The following RAB3GAP1 variants were observed in gnomAD, a reference collection of about 807,000 sequenced individuals.
RAB3GAP1 encodes rab3 GTPase-activating protein catalytic subunit.
Under a neutral mutation model 130.7 loss-of-function variants are expected in RAB3GAP1, and 86 were observed. The ratio of observed to expected loss-of-function variants is 0.66; its 90% confidence interval spans 0.55 to 0.79. The LOEUF is 0.79. RAB3GAP1 is among the 30% of genes least tolerant of loss of function. The pLI is 0.00. For missense variants in RAB3GAP1, 1,029 were observed against 1,169.4 expected (o/e 0.88, Z 1.75); for synonymous variants, 367 against 401.7 (o/e 0.91, Z 1.03).
At chr2:135,105,456 G>C (rs1479950855) in intron 5 of RAB3GAP1, among the ~76,000 whole-genome samples, 1 of 152,068 alleles carries the variant, frequency 6.6e-6, no homozygotes, top group Non-Finnish European at 1.5e-5. Context: ...CTGGTCTCCA[G>C]CTCCTAACCG....
intron 7 of RAB3GAP1, among the ~76,000 whole-genome samples, chr2:135,116,222 T>G (rs1368698472): frequency 6.6e-6 from 1 of 152,176 alleles, no homozygotes; most frequent in Non-Finnish European, 1.5e-5. Flanking sequence ...AGTGGCAGCT[T>G]TAGCACTTAA....
intron 3 of RAB3GAP1, among the ~76,000 whole-genome samples, chr2:135,082,182 A>T (rs1432599428): frequency 6.6e-6 from 1 of 151,848 alleles, no homozygotes; most frequent in Non-Finnish European, 1.5e-5. Flanking sequence ...TAAAGATTTT[A>T]ATTGAAATAA....
intron 8 of RAB3GAP1, among the ~76,000 whole-genome samples, chr2:135,123,789 A>G (rs1419213423): frequency 6.6e-6 from 1 of 152,216 alleles, no homozygotes; most frequent in African/African-American, 2.4e-5. Flanking sequence ...TGATTAATGT[A>G]GTTGGTGATT....
At chr2:135,080,694 C>G (rs946556477) in intron 3 of RAB3GAP1, among the ~76,000 whole-genome samples, 2 of 152,200 alleles carry the variant, frequency 1.3e-5, no homozygotes, top group Admixed American at 1.3e-4. Context: ...TGCTCAGGAT[C>G]TCTTCCTATG....
At chr2:135,137,940 C>T (rs1352827802) in intron 17 of RAB3GAP1, among the ~76,000 whole-genome samples, 3 of 151,786 alleles carry the variant, frequency 2.0e-5, no homozygotes, top group Non-Finnish European at 2.9e-5. Context: ...ATCCTCCCAC[C>T]GCAGCTTCTC....
intron 3 of RAB3GAP1, among the ~76,000 whole-genome samples, chr2:135,063,217 AGTC>A (rs1479213980): frequency 6.6e-6 from 1 of 152,026 alleles, no homozygotes; most frequent in Non-Finnish European, 1.5e-5. Context: ...GTAAATGAGT[AGTC>A]AAGTTAGTAA....
At chr2:135,100,120 T>C (rs1690410770) in intron 5 of RAB3GAP1, among the ~76,000 whole-genome samples, 1 of 152,138 alleles carries the variant, frequency 6.6e-6, no homozygotes, top group African/African-American at 2.4e-5. Flanking sequence ...GAGACCACTT[T>C]CCCTGGGCTG....
chr2:135,066,163 A>T (rs766571331), intron 3 of RAB3GAP1, among the ~76,000 whole-genome samples: 59 of 152,164 alleles, frequency 3.9e-4, no homozygotes, highest in Admixed American at 6.5e-4. Context: ...CTGTTGTCAG[A>T]TACACTTTCT....
intron 23 of RAB3GAP1, chr2:135,165,238 A>G (rs1283383042): frequency 6.8e-6 from 3 of 438,986 alleles, no homozygotes; most frequent in Non-Finnish European, 1.3e-5. Context: ...TTGAAAAATT[A>G]TCATAACCAT....
chr2:135,165,475 G>T (rs982703815), intron 23 of RAB3GAP1, among the ~76,000 whole-genome samples: 4 of 151,842 alleles, frequency 2.6e-5, no homozygotes, highest in African/African-American at 9.7e-5. Context: ...ATAAGAAAAA[G>T]AATTTCTATG....
chr2:135,098,774 G>A (rs1478867791), intron 5 of RAB3GAP1, among the ~76,000 whole-genome samples: 1 of 152,070 alleles, frequency 6.6e-6, no homozygotes, highest in African/African-American at 2.4e-5. Flanking sequence ...TCTACTTGTT[G>A]CTTTCTTATA....
chr2:135,079,748 A>G (rs148181212), intron 3 of RAB3GAP1, among the ~76,000 whole-genome samples: 1 of 152,216 alleles, frequency 6.6e-6, no homozygotes, highest in Non-Finnish European at 1.5e-5. Flanking sequence ...CACTTACCCT[A>G]CTGGTAAATG....
intron 9 of RAB3GAP1, 59 bp downstream of exon 9, chr2:135,124,305 A>G (rs1245480466): frequency 6.8e-7 from 1 of 1,475,038 alleles, no homozygotes; most frequent in Non-Finnish European, 9.5e-7. Context: ...ATTTATATTG[A>G]TATTGATTTC....
intron 7 of RAB3GAP1, among the ~76,000 whole-genome samples, chr2:135,119,203 G>A (rs1691122009): frequency 6.6e-6 from 1 of 151,474 alleles, no homozygotes; most frequent in Admixed American, 6.6e-5. Flanking sequence ...CTGCCTCCCG[G>A]GATCAAGCGA....
chr2:135,124,053 A>G (rs113276677), intron 8 of RAB3GAP1, 112 bp from the exon 9 acceptor site: 7 of 1,002,576 alleles, frequency 7.0e-6, no homozygotes, highest in African/African-American at 1.6e-5. Context: ...CTAACTTGCT[A>G]CATGTGTTCT....
chr2:135,131,320 G>C (rs1691533354), intron 13 of RAB3GAP1, among the ~76,000 whole-genome samples: 1 of 152,122 alleles, frequency 6.6e-6, no homozygotes, highest in Non-Finnish European at 1.5e-5. Context: ...CCACCTCCTG[G>C]GTTCAAGCAA....
chr2:135,126,055 A>AGTAT, intron 9 of RAB3GAP1, 126 bp from the exon 10 acceptor site: 1 of 713,290 alleles, frequency 1.4e-6, no homozygotes, highest in East Asian at 2.7e-5. Context: ...AGTTGTTTCC[A>AGTAT]GTATGTTGTA....
At position 135,124,433 on chromosome 2, in the gene RAB3GAP1, C is replaced by T. The variant is rs541588243; in HGVS notation, c.830+187C>T. On this transcript the variant is annotated intron_variant, in intron 9 of 23. Transcript: ENST00000264158. ...GTAATCCTAGCGCTCTGGGAGGCTG[C>T]GGTGGGCAGCCCCTGAGGTCAGGAG... 9.9e-5 allele frequency among the ~76,000 whole-genome samples: 15 copies of T among 152,280 alleles called. No individual in the cohort carries two copies. In the South Asian group the frequency reaches 2.3e-3, roughly 23 times the overall value.
At chr2:135,136,317 C>G (rs1558794061) in intron 17 of RAB3GAP1, among the ~76,000 whole-genome samples, 1 of 151,894 alleles carries the variant, frequency 6.6e-6, no homozygotes, top group Non-Finnish European at 1.5e-5. Context: ...CAGAGCAAGA[C>G]TCTTGTCTCA....
Sources: allele counts gnomAD v4.1 joint callset (sites outside exome capture counted in the v4.1 genomes callset), GRCh38; gene constraint gnomAD v4.1.1; transcripts MANE v1.5; gene names NCBI Gene and HGNC (gene_info 2026-07-23, HGNC 2026-07-21).